The following ZNF813 variants were observed in gnomAD, a reference collection of about 807,000 sequenced individuals.
The protein encoded by ZNF813 is zinc finger protein 813.
Under a neutral mutation model 7.2 loss-of-function variants are expected in ZNF813, and 3 were observed. The ratio of observed to expected loss-of-function variants is 0.42; its 90% confidence interval spans 0.19 to 1.08. The LOEUF is 1.08. Among genes scored for constraint, ZNF813 ranks in the 50% least tolerant of loss-of-function variants. ZNF813 has a pLI of 0.30. For missense variants in ZNF813, 714 were observed against 753.3 expected (o/e 0.95, Z 0.61); for synonymous variants, 227 against 256.3 (o/e 0.89, Z 1.09).
rs1468288328 is a variant in ZNF813, at chr19:53,481,413, C to G, written c.-73-2337C>G. Among the ~76,000 whole-genome samples, 6 of 133,090 alleles carry G rather than the reference C, an allele frequency of 4.5e-5. No individual in the cohort carries two copies. In the South Asian group the frequency reaches 1.2e-3, roughly 26 times the overall value. The allele number at this position is 133,090 out of a possible 152,430, so 87.3% of individuals were successfully genotyped here. On this transcript the variant is annotated intron_variant, in intron 1 of 3. Transcript: ENST00000396403. ...TCAGGCTAGAGTGCAATGGTGTGAT[C>G]TAGGCTCACTACAACCTCTGCCTCC...
intron 2 of ZNF813, among the ~76,000 whole-genome samples, chr19:53,485,496 T>G (rs1176140538): frequency 6.6e-6 from 1 of 152,030 alleles, no homozygotes; most frequent in Non-Finnish European, 1.5e-5. Flanking sequence ...ACCCTTTGTA[T>G]TAACATCTAG....
rs1391411767 is a variant in ZNF813 at position 53,491,470 on chromosome 19, G to C, written c.1238G>C (p.Cys413Ser). 3.7e-6 allele frequency: 6 copies of C among 1,614,146 alleles called. No individual in the cohort carries two copies. In the African/African-American group the frequency reaches 5.3e-5, roughly 14 times the overall value. The change falls in exon 4 of 4, where the codon TGT (cysteine) becomes TCT (serine). Residue 413 changes from cysteine to serine, a missense_variant. By Grantham distance (112) the Cys-to-Ser change is moderately radical (BLOSUM62 -1). Transcript: ENST00000396403. ...RLHTGEKPYK[C>S]NECGKVFNKK... ...CATACCGGAGAGAAGCCTTACAAGT[G>C]TAATGAATGTGGCAAGGTTTTTAAT...
chr19:53,477,541 C>T (rs1326873858), intron 1 of ZNF813, among the ~76,000 whole-genome samples: 1 of 152,064 alleles, frequency 6.6e-6, no homozygotes. Context: ...AGGGGTTGGG[C>T]ACAGTGGCTC....
In ZNF813 at chr19:53,467,774, G is replaced by T. The variant is rs1009438249; in HGVS notation, c.-89G>T. 5.5e-5 allele frequency: 10 copies of T among 180,518 alleles called. No homozygotes were observed. Among genetic ancestry groups the T allele is most frequent in the African/African-American group, 1.2e-4 (5 of 42,168 alleles). The allele number at this position is 180,518 out of a possible 1,614,324, so 11.2% of individuals were successfully genotyped here. On this transcript the variant is annotated 5_prime_UTR_variant, in exon 1 of 4. Transcript: ENST00000396403. Reference sequence around the variant, plus strand: ...CCGGAAGCGGATCGCGTGGAGTGACGGTCCCACGGCAGCGCGTGAGTTTGG... The same window carrying T: ...CCGGAAGCGGATCGCGTGGAGTGACTGTCCCACGGCAGCGCGTGAGTTTGG...
rs780118006 is a variant in ZNF813, at chr19:53,492,752, T to C, written c.*666T>C. On this transcript the variant is annotated 3_prime_UTR_variant, in exon 4 of 4. Transcript: ENST00000396403. ...AAATTTTTCAGACATCGTCCATACC[T>C]TGCAGTTCATTGGCGAACTCATACT... The C allele has an allele frequency of 8.4e-5, 52 of 622,182 alleles. No homozygotes were observed. Among genetic ancestry groups the C allele is most frequent in the Non-Finnish European group, 1.4e-4 (49 of 353,800 alleles). 38.5% of individuals were successfully genotyped at this position (622,182 alleles called of 1,614,324 possible). A position where few individuals can be genotyped will look rare whatever the true frequency, so the allele number is the denominator to read the frequency against.
At chr19:53,477,972 C>A (rs1221896788) in intron 1 of ZNF813, among the ~76,000 whole-genome samples, 1 of 152,030 alleles carries the variant, frequency 6.6e-6, no homozygotes, top group Non-Finnish European at 1.5e-5. Context: ...CTTAAAAATT[C>A]CTATCTATAA....
chr19:53,472,202 C>T (rs138386933), intron 1 of ZNF813, among the ~76,000 whole-genome samples: 1 of 152,194 alleles, frequency 6.6e-6, no homozygotes, highest in Non-Finnish European at 1.5e-5. Context: ...TACTGGATGA[C>T]AGGTTTTTGT....
At position 53,490,971 on chromosome 19, in the gene ZNF813, G is replaced by A. The variant is rs868620234; in HGVS notation, c.739G>A (p.Val247Ile). 1 of 1,614,180 alleles carries A rather than the reference G, an allele frequency of 6.2e-7. No homozygotes were observed. Among genetic ancestry groups the A allele is most frequent in the African/African-American group, 1.3e-5 (1 of 75,044 alleles). The change falls in exon 4 of 4, where the codon GTA becomes ATA. Residue 247 changes from valine (V) to isoleucine (I), a missense_variant. This residue lies in a region of ZNF813 where 563 missense variants were observed against 554.2 expected (regional missense o/e 1.02). Transcript: ENST00000396403. ...HLGEKQYKCD[V>I]CGKVFNRKRN... ...AGGAGAGAAACAATATAAATGTGATGTATGTGGCAAGGTCTTTAATCGGAA... is the reference window on the plus strand; with the variant it reads ...AGGAGAGAAACAATATAAATGTGATATATGTGGCAAGGTCTTTAATCGGAA...
intron 1 of ZNF813, among the ~76,000 whole-genome samples, chr19:53,473,583 A>G (rs1443809628): frequency 6.6e-6 from 1 of 152,158 alleles, no homozygotes; most frequent in Non-Finnish European, 1.5e-5. Flanking sequence ...AGTGGACAAG[A>G]TTACAATATA....
intron 1 of ZNF813, among the ~76,000 whole-genome samples, chr19:53,478,369 G>T (rs28513412): frequency 6.6e-6 from 1 of 151,758 alleles, no homozygotes; most frequent in Non-Finnish European, 1.5e-5. Context: ...AACGGGTTTC[G>T]CTATGTTTCC....
intron 2 of ZNF813, 40 bp downstream of exon 2, chr19:53,483,877 C>T (rs1443442620): frequency 5.0e-6 from 8 of 1,613,694 alleles, no homozygotes; most frequent in African/African-American, 2.7e-5. Context: ...GTCTCCTTCC[C>T]CTCAGAAATG....
Position 53,493,827 on chromosome 19 carries a change from T to C in ZNF813, c.*1741T>C, listed in dbSNP as rs183797651. The C allele has an allele frequency of 5.3e-5, 8 of 152,360 alleles. No individual in the cohort carries two copies. In the East Asian group the frequency reaches 1.3e-3, roughly 26 times the overall value. The allele number at this position is 152,360 out of a possible 1,614,324, so 9.4% of individuals were successfully genotyped here. On this transcript the variant is annotated 3_prime_UTR_variant, in exon 4 of 4. Coordinates refer to ENST00000396403, the MANE Select transcript of ZNF813 (RefSeq NM_001004301.4). ...CTCTGGCTAGGACAGCCAGTATTTA[T>C]TGAATAGAAGGGGTGAGAGCATTCT...
In ZNF813 at chr19:53,490,633, A is replaced by T. The variant is rs1171049441; in HGVS notation, c.401A>T (p.Lys134Met). The change falls in exon 4 of 4, where the codon AAG (lysine) becomes ATG (methionine). Residue 134 changes from lysine (K) to methionine (M), a missense_variant. Physicochemically the swap from Lys to Met is moderately conservative, Grantham distance 95. Coordinates refer to ENST00000396403, the MANE Select transcript of ZNF813 (RefSeq NM_001004301.4). ...TATGATCAAAGGCATGCTGGAAACA[A>T]GCCTATTAAAGATCAGCTTGGATCA... The part of the protein sequence containing the change: ...DRYDQRHAGN[K>M]PIKDQLGSSF... The T allele has an allele frequency of 1.3e-5, 21 of 1,614,116 alleles. No individual in the cohort carries two copies. In the East Asian group the frequency reaches 4.2e-4, roughly 33 times the overall value.
At position 53,492,658 on chromosome 19, in the gene ZNF813, A is replaced by G; in HGVS notation, c.*572A>G. On this transcript the variant is annotated 3_prime_UTR_variant, in exon 4 of 4. Transcript: ENST00000396403. ...AATGATTGTCACCAAGTCTTCAGTAACGCTACAACCATTGCAAATCATTGG... is the reference window on the plus strand; with the variant it reads ...AATGATTGTCACCAAGTCTTCAGTAGCGCTACAACCATTGCAAATCATTGG... 1 of 817,170 alleles carries G rather than the reference A, an allele frequency of 1.2e-6. No individual in the cohort carries two copies. The highest frequency in any genetic ancestry group is 1.3e-5 in the South Asian group (1 of 77,224). 50.6% of individuals were successfully genotyped at this position (817,170 alleles called of 1,614,324 possible).
intron 1 of ZNF813, among the ~76,000 whole-genome samples, chr19:53,479,021 G>T (rs2086394862): frequency 6.6e-6 from 1 of 151,374 alleles, no homozygotes; most frequent in Non-Finnish European, 1.5e-5. Flanking sequence ...TGCAACCTCT[G>T]CCTCCTGGGT....
chr19:53,478,106 G>A (rs1454590875), intron 1 of ZNF813, among the ~76,000 whole-genome samples: 1 of 152,084 alleles, frequency 6.6e-6, no homozygotes, highest in Non-Finnish European at 1.5e-5. Flanking sequence ...GGCTGGGGTA[G>A]GAAGTAGGGC....
At chr19:53,472,798 G>T (rs905616646) in intron 1 of ZNF813, among the ~76,000 whole-genome samples, 8 of 151,976 alleles carry the variant, frequency 5.3e-5, no homozygotes, top group African/African-American at 1.9e-4. Context: ...TTTTATTCAA[G>T]ACGGGGTTGT....
In ZNF813 at chr19:53,491,686, A is replaced by T; in HGVS notation, c.1454A>T (p.His485Leu). ...TFSRISALVI[H>L]TAIHTGEKPY... ...AGTCGAATTTCAGCCCTCGTAATTC[A>T]TACGGCAATTCATACTGGAGAGAAA... The change falls in exon 4 of 4, where the codon CAT (histidine) becomes CTT (leucine). Residue 485 changes from histidine to leucine, a missense_variant. His to Leu is a moderately conservative substitution (Grantham distance 99). Coordinates refer to ENST00000396403, the MANE Select transcript of ZNF813 (RefSeq NM_001004301.4). 6.2e-7 allele frequency: 1 copy of T among 1,614,038 alleles called. No individual in the cohort carries two copies. The highest frequency in any genetic ancestry group is 1.3e-5 in the African/African-American group (1 of 75,058).
At chr19:53,490,161 G>C (rs1407930432) in intron 3 of ZNF813, among the ~76,000 whole-genome samples, 1 of 152,140 alleles carries the variant, frequency 6.6e-6, no homozygotes, top group Admixed American at 6.5e-5. Context: ...TCAGTGTTTT[G>C]TCGTGATATT....
Sources: allele counts gnomAD v4.1 joint callset (sites outside exome capture counted in the v4.1 genomes callset), GRCh38; gene constraint gnomAD v4.1.1; regional missense constraint gnomAD v4.1.1; transcripts MANE v1.5; gene names NCBI Gene and HGNC (gene_info 2026-07-23, HGNC 2026-07-21).